Variants in PLPP4 observed in about 807,000 individuals in gnomAD.
The protein encoded by PLPP4 is diacylglycerol pyrophosphate like 2.
In PLPP4, 20 loss-of-function variants were observed where a neutral mutation model predicts 32.2. The ratio of observed to expected loss-of-function variants is 0.62; its 90% CI spans 0.44 to 0.90. PLPP4 has a LOEUF of 0.90. Among genes scored for constraint, PLPP4 ranks in the 40% least tolerant of loss-of-function variants. PLPP4 has a pLI of 0.00. For synonymous variants in PLPP4, 127 were observed against 133.0 expected, an observed-to-expected ratio of 0.95 and a Z score of 0.31; for missense variants, 257 against 353.1, an observed-to-expected ratio of 0.73 and a Z score of 2.18.
intron 5 of PLPP4, among the ~76,000 whole-genome samples, chr10:120,542,012 G>T (rs1847368626): frequency 1.3e-5 from 2 of 152,110 alleles, no homozygotes; most frequent in South Asian, 4.1e-4. Flanking sequence ...TCCTGACCTC[G>T]TGATTCATTA....
chr10:120,502,533 A>G (rs1438714297), intron 1 of PLPP4, among the ~76,000 whole-genome samples: 4 of 152,188 alleles, frequency 2.6e-5, no homozygotes, highest in Admixed American at 2.6e-4. Context: ...ACAGTGGCCC[A>G]GCAGTGCTAC....
chr10:120,528,075 T>TG lies in PLPP4; in HGVS notation c.445+6980_445+6981insG, dbSNP rs1378747258. Among the ~76,000 whole-genome samples the TG allele has an allele frequency of 5.8e-4, 80 of 138,462 alleles. 2 individuals carry two copies. The highest frequency in any genetic ancestry group is 1.8e-3 in the South Asian group (7 of 3,954). 90.8% of individuals were successfully genotyped at this position (138,462 alleles called of 152,430 possible). ...TTGAAAAATACCACTCTCCGTTTTT[T>TG]TTTTTTTTTTTTTTTTTGAGGCGGA... On this transcript the variant is annotated intron_variant, in intron 5 of 6. Coordinates refer to ENST00000398250, the MANE Select transcript of PLPP4 (RefSeq NM_001030059.3).
At chr10:120,560,953 G>A (rs897790808) in intron 5 of PLPP4, among the ~76,000 whole-genome samples, 1 of 151,906 alleles carries the variant, frequency 6.6e-6, no homozygotes, top group Admixed American at 6.6e-5. Context: ...TGGGGTGTCG[G>A]TGCCCCTATC....
intron 5 of PLPP4, among the ~76,000 whole-genome samples, chr10:120,521,480 A>G (rs7910637): frequency 1.4e-3 from 206 of 152,324 alleles, no homozygotes; most frequent in Middle Eastern, 6.8e-3. Context: ...ACAAATATAT[A>G]GCACATATGT....
intron 5 of PLPP4, among the ~76,000 whole-genome samples, chr10:120,559,101 T>A (rs1848299817): frequency 6.6e-6 from 1 of 152,252 alleles, no homozygotes; most frequent in South Asian, 2.1e-4. Context: ...TGATGACTAC[T>A]GAGCTAGATC....
chr10:120,560,949 GT>G (rs768976454), intron 5 of PLPP4, among the ~76,000 whole-genome samples: 2 of 151,976 alleles, frequency 1.3e-5, no homozygotes, highest in East Asian at 3.9e-4. Flanking sequence ...TGCATGGGGT[GT>G]CGGTGCCCCT....
intron 6 of PLPP4, among the ~76,000 whole-genome samples, chr10:120,584,477 G>A (rs1849662943): frequency 6.6e-6 from 1 of 152,210 alleles, no homozygotes; most frequent in African/African-American, 2.4e-5. Context: ...TACGTATGCA[G>A]TGCATGTGTA....
At chr10:120,576,109 G>A (rs1019399286) in intron 6 of PLPP4, among the ~76,000 whole-genome samples, 1 of 152,220 alleles carries the variant, frequency 6.6e-6, no homozygotes, top group Non-Finnish European at 1.5e-5. Context: ...TGCATCTGGA[G>A]CAGTGGCCTA....
intron 1 of PLPP4, among the ~76,000 whole-genome samples, chr10:120,459,642 C>T (rs552744808): frequency 3.3e-5 from 5 of 152,274 alleles, no homozygotes; most frequent in South Asian, 4.2e-4. Flanking sequence ...AGGCTGAATC[C>T]GATTTCCCTG....
intron 1 of PLPP4, among the ~76,000 whole-genome samples, chr10:120,474,564 T>TA (rs1158191413): frequency 6.6e-6 from 1 of 152,178 alleles, no homozygotes; most frequent in Admixed American, 6.5e-5. Flanking sequence ...TGTGGACCAA[T>TA]AAAAAATCTT....
At chr10:120,492,262 G>A (rs1844756414) in intron 1 of PLPP4, among the ~76,000 whole-genome samples, 1 of 152,196 alleles carries the variant, frequency 6.6e-6, no homozygotes, top group African/African-American at 2.4e-5. Flanking sequence ...TCAGTCTTCT[G>A]TTGTTTACTC....
intron 1 of PLPP4, among the ~76,000 whole-genome samples, chr10:120,469,831 C>A (rs1023726695): frequency 6.6e-6 from 1 of 152,168 alleles, no homozygotes; most frequent in African/African-American, 2.4e-5. Flanking sequence ...TATATAAACA[C>A]ATGCTTCATT....
At chr10:120,514,027 A>C in intron 3 of PLPP4, 26 bp downstream of exon 3, 1 of 1,505,730 alleles carries the variant, frequency 6.6e-7, no homozygotes, top group Non-Finnish European at 9.2e-7. Context: ...TTCCTGCTTT[A>C]GGGAATGGGG....
intron 1 of PLPP4, among the ~76,000 whole-genome samples, chr10:120,476,560 G>A (rs1021550311): frequency 6.6e-5 from 10 of 152,140 alleles, no homozygotes; most frequent in Non-Finnish European, 2.9e-5. Context: ...GCTGCAGTTG[G>A]GTGGGGTGAT....
intron 1 of PLPP4, among the ~76,000 whole-genome samples, chr10:120,485,922 T>C (rs1844426545): frequency 6.6e-6 from 1 of 152,160 alleles, no homozygotes; most frequent in Admixed American, 6.5e-5. Flanking sequence ...CGATGGAGCC[T>C]AGTAAGCAGC....
At chr10:120,479,726 TA>T (rs1233467363) in intron 1 of PLPP4, among the ~76,000 whole-genome samples, 1 of 152,228 alleles carries the variant, frequency 6.6e-6, no homozygotes, top group Non-Finnish European at 1.5e-5. Flanking sequence ...CATTTTTTAA[TA>T]AAAATCGTTG....
At chr10:120,464,547 A>T (rs1848227533) in intron 1 of PLPP4, among the ~76,000 whole-genome samples, 1 of 152,204 alleles carries the variant, frequency 6.6e-6, no homozygotes, top group East Asian at 1.9e-4. Context: ...TTGTCCGATG[A>T]GTCGGAACCC....
chr10:120,516,110 C>T (rs529364086), intron 3 of PLPP4, among the ~76,000 whole-genome samples: 73 of 152,256 alleles, frequency 4.8e-4, no homozygotes, highest in Middle Eastern at 3.4e-3. Context: ...TGAACAGCCT[C>T]CCATTGTGTG....
intron 6 of PLPP4, among the ~76,000 whole-genome samples, chr10:120,586,052 A>G (rs1251638451): frequency 6.6e-6 from 1 of 152,214 alleles, no homozygotes; most frequent in East Asian, 1.9e-4. Context: ...ACTAGTTAGA[A>G]TGACTTTTGT....
Sources: gnomAD v4.1 joint callset for allele counts (sites outside exome capture counted in the v4.1 genomes callset) on GRCh38, gnomAD v4.1.1 for gene constraint, MANE v1.5 for transcripts, NCBI Gene and HGNC (gene_info 2026-07-23, HGNC 2026-07-21) for gene names.